ERC1: variants seen among roughly 807,000 people sequenced by gnomAD.
ERC1 encodes the protein RAB6 interacting protein 2.
Under a neutral mutation model 132.0 loss-of-function variants are expected in ERC1, and 56 were observed. That is an observed-to-expected ratio of 0.42 (90% CI 0.34 to 0.53). ERC1 has a LOEUF of 0.53. ERC1 is among the 20% of genes least tolerant of loss of function. ERC1 has a pLI of 0.03. For missense variants in ERC1, 1,202 were observed against 1,349.9 expected, an observed-to-expected ratio of 0.89 and a Z score of 1.72; for synonymous variants, 478 against 476.1, an observed-to-expected ratio of 1.00 and a Z score of -0.05.
chr12:1,428,411 T>A (rs1365535495), intron 17 of ERC1, among the ~76,000 whole-genome samples: 1 of 152,116 alleles, frequency 6.6e-6, no homozygotes, highest in Non-Finnish European at 1.5e-5. Flanking sequence ...TGCACCCTAA[T>A]AGGTTATCCT....
intron 8 of ERC1, among the ~76,000 whole-genome samples, chr12:1,144,644 ATATACG>A (rs1234416477): frequency 6.7e-6 from 1 of 149,530 alleles, no homozygotes; most frequent in Non-Finnish European, 1.5e-5. Flanking sequence ...ACGTGTATAT[ATATACG>A]TATATATATA....
intron 17 of ERC1, among the ~76,000 whole-genome samples, chr12:1,422,323 T>G (rs1345195938): frequency 6.6e-6 from 1 of 152,190 alleles, no homozygotes; most frequent in African/African-American, 2.4e-5. Context: ...AATTTTATAT[T>G]CATTAACCCA....
intron 12 of ERC1, among the ~76,000 whole-genome samples, chr12:1,213,105 C>T (rs1958030479): frequency 6.6e-6 from 1 of 152,138 alleles, no homozygotes. Flanking sequence ...TCACCTTTAC[C>T]TGTAACCTAG....
At chr12:1,118,765 C>T (rs566775748) in intron 7 of ERC1, among the ~76,000 whole-genome samples, 12 of 152,146 alleles carry the variant, frequency 7.9e-5, no homozygotes, top group Non-Finnish European at 1.6e-4. Context: ...CTATAATTTG[C>T]TCTTAGTTGA....
In ERC1 at chr12:1,379,589, T is replaced by G. The variant is rs578161544; in HGVS notation, c.2925+7612T>G. 2.8e-4 allele frequency among the ~76,000 whole-genome samples: 43 copies of G among 152,268 alleles called. No individual in the cohort carries two copies. In the Middle Eastern group the frequency reaches 0.014, roughly 48 times the overall value. ...TTAGTTATCTACTACTGCATAAAAA[T>G]TACCCTTAACTGAGTGGCTTAAAGT... On this transcript the variant is annotated intron_variant, in intron 16 of 18. Transcript: ENST00000360905.
chr12:1,400,425 G>A (rs2090919413), intron 16 of ERC1, among the ~76,000 whole-genome samples: 1 of 151,702 alleles, frequency 6.6e-6, no homozygotes, highest in Non-Finnish European at 1.5e-5. Context: ...AAATTTTGAT[G>A]TGCTCCGATT....
intron 18 of ERC1, among the ~76,000 whole-genome samples, chr12:1,483,844 C>A (rs73601964): frequency 0.055 from 8,308 of 151,840 alleles, 749 homozygotes; most frequent in African/African-American, 0.19. Context: ...GCACTCACCA[C>A]CACATGTGAC....
chr12:1,438,491 G>T (rs2093006018), intron 17 of ERC1, among the ~76,000 whole-genome samples: 1 of 152,194 alleles, frequency 6.6e-6, no homozygotes. Context: ...TATATGGACA[G>T]TTGAACCTGC....
chr12:1,244,873 A>T (rs78014838), intron 13 of ERC1: 4,572 of 154,156 alleles, frequency 0.03, 107 homozygotes, highest in East Asian at 0.074. Flanking sequence ...TGCCGTTTTG[A>T]TATTCAAAGG....
At chr12:1,450,738 G>A (rs1221644697) in intron 18 of ERC1, among the ~76,000 whole-genome samples, 1 of 152,162 alleles carries the variant, frequency 6.6e-6, no homozygotes, top group Non-Finnish European at 1.5e-5. Context: ...TTCCACAGCG[G>A]CTGTACCAAC....
At chr12:1,021,174 C>CA (rs1966304031) in intron 1 of ERC1, among the ~76,000 whole-genome samples, 1 of 152,058 alleles carries the variant, frequency 6.6e-6, no homozygotes, top group Non-Finnish European at 1.5e-5. Context: ...CTCCTGACCT[C>CA]AAGTGATCTG....
At chr12:1,417,336 C>A (rs1420502619) in intron 17 of ERC1, among the ~76,000 whole-genome samples, 1 of 152,154 alleles carries the variant, frequency 6.6e-6, no homozygotes, top group Non-Finnish European at 1.5e-5. Context: ...GCATACCATA[C>A]TCAGCAGGTC....
chr12:1,330,690 G>A (rs1210865893), intron 15 of ERC1, among the ~76,000 whole-genome samples: 1 of 151,928 alleles, frequency 6.6e-6, no homozygotes, highest in East Asian at 1.9e-4. Context: ...AGGACATGCA[G>A]CCATATCTTA....
intron 12 of ERC1, among the ~76,000 whole-genome samples, chr12:1,228,418 AT>A (rs2074769217): frequency 1.5e-5 from 1 of 67,078 alleles, no homozygotes; most frequent in African/African-American, 1.1e-4. Context: ...ACTTACTATA[AT>A]AGTTTTTAAC....
chr12:1,484,776 T>G (rs2094174586), intron 18 of ERC1, among the ~76,000 whole-genome samples: 1 of 151,986 alleles, frequency 6.6e-6, no homozygotes. Flanking sequence ...GAGATGGGGT[T>G]TCACCATGCT....
chr12:1,473,683 A>T (rs2154428556), intron 18 of ERC1, among the ~76,000 whole-genome samples: 1 of 151,242 alleles, frequency 6.6e-6, no homozygotes, highest in Non-Finnish European at 1.5e-5. Flanking sequence ...TCCCCACAGC[A>T]GCCTCACAGC....
intron 18 of ERC1, among the ~76,000 whole-genome samples, chr12:1,470,231 G>A (rs1249694757): frequency 6.6e-6 from 1 of 152,034 alleles, no homozygotes; most frequent in African/African-American, 2.4e-5. Context: ...ATAGCAGAGT[G>A]CAACCCTGGA....
At chr12:1,384,399 C>T (rs1441553388) in intron 16 of ERC1, among the ~76,000 whole-genome samples, 1 of 152,242 alleles carries the variant, frequency 6.6e-6, no homozygotes, top group South Asian at 2.1e-4. Flanking sequence ...AATCTGTGTG[C>T]TCATAACCCT....
chr12:1,479,127 T>G (rs935422477), intron 18 of ERC1, among the ~76,000 whole-genome samples: 1 of 152,200 alleles, frequency 6.6e-6, no homozygotes, highest in African/African-American at 2.4e-5. Flanking sequence ...TGTTCTCTTT[T>G]CGTCCCATTG....
Sources: gnomAD v4.1 joint callset for allele counts (sites outside exome capture counted in the v4.1 genomes callset) on GRCh38, gnomAD v4.1.1 for gene constraint, MANE v1.5 for transcripts, NCBI Gene and HGNC (gene_info 2026-07-23, HGNC 2026-07-21) for gene names.